The following ABCA12 variants were observed in gnomAD, a reference collection of about 807,000 sequenced individuals.
ABCA12 encodes glucosylceramide transporter ABCA12.
A neutral mutation model predicts 293.5 loss-of-function variants in ABCA12; 156 were observed. That is an observed-to-expected ratio of 0.53 (90% CI 0.47 to 0.61). ABCA12 has a LOEUF of 0.61. Ranked by LOEUF, ABCA12 falls within the 20% of genes least tolerant of loss-of-function variation. The pLI, the probability that ABCA12 is intolerant of heterozygous loss-of-function variation, is 0.00. For missense variants in ABCA12, 2,797 were observed against 3,090.2 expected, an observed-to-expected ratio of 0.91 and a Z score of 2.25; for synonymous variants, 1,063 against 1,108.0, an observed-to-expected ratio of 0.96 and a Z score of 0.81.
Position 215,018,126 on chromosome 2 carries a change from A to G in ABCA12, c.1664T>C (p.Leu555Ser). 1.2e-6 allele frequency: 2 copies of G among 1,612,812 alleles called. No individual in the cohort carries two copies. The highest frequency in any genetic ancestry group is 8.5e-7 in the Non-Finnish European group (1 of 1,179,594). ...SADASEKPGQ[L>S]LEMFKNVEEL... The stretch of plus-strand genomic sequence containing the variant: ...TTCAACATTTTTAAACATTTCTAGT[A>G]ACTGACCTGCAAGAAGAAAAATGTA... The change falls in exon 14 of 53, where the codon TTA becomes TCA. Residue 555 changes from leucine (L) to serine (S), a missense_variant. Transcript: ENST00000272895.
chr2:214,974,020 G>T lies in ABCA12; in HGVS notation c.5491C>A (p.Leu1831Met). The change falls in exon 36 of 53, where the codon CTG becomes ATG. Residue 1831 changes from leucine to methionine, a missense_variant. Leu to Met is a conservative substitution (Grantham distance 15). This residue lies in a region of ABCA12 where 2,130 missense variants were observed against 2,427.0 expected (regional missense o/e 0.88). Coordinates refer to ENST00000272895, the MANE Select transcript of ABCA12 (RefSeq NM_173076.3). ...SDLQCLNKDSLEKWNTSGEPI... is the reference protein window; with the variant it reads ...SDLQCLNKDSMEKWNTSGEPI... The stretch of plus-strand genomic sequence containing the variant: ...TCTCCACTGGTGTTCCATTTTTCCA[G>T]ACTGTCTTTGTTTAAACACTGTCTG... The T allele has an allele frequency of 6.2e-7, 1 of 1,613,932 alleles. No individual in the cohort carries two copies. Among genetic ancestry groups the T allele is most frequent in the Non-Finnish European group, 8.5e-7 (1 of 1,179,916 alleles).
intron 11 of ABCA12, chr2:215,023,257 A>C (rs1206764349): frequency 6.6e-6 from 1 of 152,160 alleles, no homozygotes; most frequent in Non-Finnish European, 1.5e-5. Context: ...GTCATACCCT[A>C]TGCCAGGTGC....
At chr2:215,016,276 A>G (rs993434454) in intron 14 of ABCA12, among the ~76,000 whole-genome samples, 10 of 149,750 alleles carry the variant, frequency 6.7e-5, no homozygotes, top group Non-Finnish European at 8.9e-5. Context: ...GTTTGGGGAA[A>G]ACGTTAGTTT....
chr2:215,096,730 C>G (rs528162733), intron 2 of ABCA12, among the ~76,000 whole-genome samples: 126 of 152,242 alleles, frequency 8.3e-4, no homozygotes, highest in Non-Finnish European at 1.5e-3. Flanking sequence ...CTTTCTCCAG[C>G]CTTTCCTTGC....
At chr2:214,985,148 G>C (rs1029216845) in intron 28 of ABCA12, among the ~76,000 whole-genome samples, 7 of 152,206 alleles carry the variant, frequency 4.6e-5, no homozygotes, top group Admixed American at 3.3e-4. Flanking sequence ...TTATATTAAA[G>C]GTTTCTATTT....
intron 22 of ABCA12, 131 bp from the exon 23 acceptor site, chr2:214,997,940 C>G: frequency 1.5e-6 from 1 of 648,172 alleles, no homozygotes; most frequent in Admixed American, 2.7e-5. Flanking sequence ...TGAAAATAAT[C>G]GGTATTACCC....
intron 30 of ABCA12, among the ~76,000 whole-genome samples, chr2:214,980,944 G>C (rs577018603): frequency 1.3e-5 from 2 of 152,034 alleles, no homozygotes; most frequent in Non-Finnish European, 2.9e-5. Flanking sequence ...AATTAGCTGG[G>C]TGTGGTGGCG....
At chr2:215,048,458 G>A (rs1286645735) in intron 6 of ABCA12, among the ~76,000 whole-genome samples, 1 of 152,016 alleles carries the variant, frequency 6.6e-6, no homozygotes, top group Non-Finnish European at 1.5e-5. Context: ...ACTTTGGGAG[G>A]CCGAGGCAGG....
intron 2 of ABCA12, among the ~76,000 whole-genome samples, chr2:215,089,439 C>A (rs2106104431): frequency 6.6e-6 from 1 of 152,268 alleles, no homozygotes; most frequent in East Asian, 1.9e-4. Flanking sequence ...AGCGCACAGG[C>A]CAAAAAGCCT....
At chr2:215,138,107 T>C (rs776985201) in intron 1 of ABCA12, 33 bp downstream of exon 1, 1 of 1,597,936 alleles carries the variant, frequency 6.3e-7, no homozygotes, top group Non-Finnish European at 8.6e-7. Flanking sequence ...TATTGCCCCA[T>C]GACCCATACT....
At chr2:215,066,001 G>A (rs1409319779) in intron 2 of ABCA12, among the ~76,000 whole-genome samples, 1 of 152,068 alleles carries the variant, frequency 6.6e-6, no homozygotes, top group Non-Finnish European at 1.5e-5. Flanking sequence ...AAACCTAAGT[G>A]AAAATTGCAG....
chr2:214,932,702 T>A lies in ABCA12; in HGVS notation c.7720A>T (p.Thr2574Ser), dbSNP rs553023594. 7 of 1,613,650 alleles carry A rather than the reference T, an allele frequency of 4.3e-6. No individual in the cohort carries two copies. In the South Asian group the frequency reaches 7.7e-5, roughly 18 times the overall value. ...GAACCTTGGCTGCTGGTATCAGCAG[T>A]TTCATAGGACTTCTGGTCTTTGGCA... ...NFAKDQKSYE[T>S]ADTSSQGSTI... is the part of the protein sequence containing the mutation. The change falls in exon 53 of 53, where the codon ACT becomes TCT. Residue 2574 changes from threonine (T) to serine (S), a missense_variant. Around this residue, in one of 3 missense-constraint regions of ABCA12, gnomAD observed 2,130 missense variants for 2,427.0 expected, o/e 0.88. Coordinates refer to ENST00000272895, the MANE Select transcript of ABCA12 (RefSeq NM_173076.3).
intron 4 of ABCA12, among the ~76,000 whole-genome samples, chr2:215,052,841 C>T (rs1425796148): frequency 6.6e-6 from 1 of 151,998 alleles, no homozygotes; most frequent in Non-Finnish European, 1.5e-5. Flanking sequence ...GCTTTCATTC[C>T]AGTCGGTGAC....
At chr2:214,934,285 T>C (rs1698152886) in intron 51 of ABCA12, 70 bp from the exon 52 acceptor site, 2 of 1,551,794 alleles carry the variant, frequency 1.3e-6, no homozygotes, top group Admixed American at 1.7e-5. Context: ...GACATAACTT[T>C]ACCAAGAGTT....
chr2:215,129,753 T>A lies in ABCA12; in HGVS notation c.69+8387A>T, dbSNP rs185091787. 3.3e-5 allele frequency among the ~76,000 whole-genome samples: 5 copies of A among 152,338 alleles called. No homozygotes were observed. The East Asian group carries it at 9.7e-4, about 29-fold the overall frequency. ...GGTTTGATTAAGTCCCATTTGTCTATTTTTGCTTTGTTGCATTTGCTTTTG... is the reference window on the plus strand; with the variant it reads ...GGTTTGATTAAGTCCCATTTGTCTAATTTTGCTTTGTTGCATTTGCTTTTG... On this transcript the variant is annotated intron_variant, in intron 1 of 52. Coordinates refer to ENST00000272895, the MANE Select transcript of ABCA12 (RefSeq NM_173076.3).
intron 50 of ABCA12, among the ~76,000 whole-genome samples, chr2:214,939,051 G>A (rs1179625991): frequency 1.3e-5 from 2 of 152,110 alleles, no homozygotes; most frequent in African/African-American, 4.8e-5. Context: ...GTCTTGAATG[G>A]TATTGCCTAG....
Position 215,010,359 on chromosome 2 carries a change from TTA to T in ABCA12, c.2442_2443del (p.Tyr814Ter). The T allele has an allele frequency of 6.2e-7, 1 of 1,613,776 alleles. No homozygotes were observed. On this transcript the variant is annotated stop_gained and frameshift_variant, in exon 18 of 53. Coordinates refer to ENST00000272895, the MANE Select transcript of ABCA12 (RefSeq NM_173076.3). LOFTEE classifies it high-confidence loss of function. ...TTCCATTATTGCCTTTGTGACTGGG[TTA>T]TATGGTGCATACAAAATTCTTCCCA...
intron 1 of ABCA12, among the ~76,000 whole-genome samples, chr2:215,129,120 T>A (rs1702994996): frequency 6.6e-6 from 1 of 152,114 alleles, no homozygotes; most frequent in Admixed American, 6.6e-5. Context: ...GTACTGTGGG[T>A]TGTCTGCACA....
chr2:215,055,851 A>T (rs1403606800), intron 3 of ABCA12, among the ~76,000 whole-genome samples: 1 of 152,098 alleles, frequency 6.6e-6, no homozygotes, highest in African/African-American at 2.4e-5. Context: ...TAATCTTTTT[A>T]CATTCCTTAT....
Sources: gnomAD v4.1 joint callset for allele counts (sites outside exome capture counted in the v4.1 genomes callset) on GRCh38, gnomAD v4.1.1 for gene constraint, gnomAD v4.1.1 regional missense constraint, MANE v1.5 for transcripts, NCBI Gene and HGNC (gene_info 2026-07-23, HGNC 2026-07-21) for gene names.